The following MYRIP variants were observed in gnomAD, a reference collection of about 807,000 sequenced individuals.
MYRIP encodes rab effector MyRIP.
In MYRIP, 49 loss-of-function variants were observed where a neutral mutation model predicts 98.0. That is an observed-to-expected ratio of 0.50 (90% CI 0.40 to 0.63). MYRIP has a LOEUF of 0.63. MYRIP is among the 30% of genes least tolerant of loss of function. The pLI, the probability that MYRIP is intolerant of heterozygous loss-of-function variation, is 0.00. For synonymous variants in MYRIP, 404 were observed against 409.5 expected (o/e 0.99, Z 0.16); for missense variants, 1,004 against 1,058.2 (o/e 0.95, Z 0.71).
At chr3:40,178,017 A>T (rs1341789709) in intron 8 of MYRIP, among the ~76,000 whole-genome samples, 3 of 152,216 alleles carry the variant, frequency 2.0e-5, no homozygotes, top group Non-Finnish European at 4.4e-5. Context: ...TAATACTTAC[A>T]TCTGACCCTA....
intron 3 of MYRIP, among the ~76,000 whole-genome samples, chr3:40,121,288 C>G (rs574924975): frequency 3.3e-4 from 51 of 152,282 alleles, no homozygotes; most frequent in African/African-American, 1.2e-3. Flanking sequence ...ATAGATCTAT[C>G]TTGGGTAATA....
chr3:40,242,182 C>G (rs1953039519), intron 12 of MYRIP: 1 of 152,204 alleles, frequency 6.6e-6, no homozygotes, highest in Non-Finnish European at 1.5e-5. Flanking sequence ...ATAATAGTCT[C>G]TACCTCAAGG....
At chr3:40,204,642 T>C (rs1303994429) in intron 10 of MYRIP, among the ~76,000 whole-genome samples, 1 of 152,146 alleles carries the variant, frequency 6.6e-6, no homozygotes, top group Non-Finnish European at 1.5e-5. Context: ...TTCCTTTTTC[T>C]TTCCATTTAA....
chr3:40,024,397 G>T (rs972083333), intron 2 of MYRIP, among the ~76,000 whole-genome samples: 3 of 152,078 alleles, frequency 2.0e-5, no homozygotes, highest in Admixed American at 2.0e-4. Flanking sequence ...AGCTGGAGAT[G>T]ATTGGGTGGT....
At chr3:40,123,416 C>T (rs1379324123) in intron 3 of MYRIP, among the ~76,000 whole-genome samples, 1 of 152,238 alleles carries the variant, frequency 6.6e-6, no homozygotes, top group Non-Finnish European at 1.5e-5. Context: ...GCTGGGAGGA[C>T]TCAGAGACTG....
At chr3:39,868,644 G>A (rs1164577087) in intron 1 of MYRIP, among the ~76,000 whole-genome samples, 1 of 152,042 alleles carries the variant, frequency 6.6e-6, no homozygotes, top group Non-Finnish European at 1.5e-5. Flanking sequence ...TTGACATCTG[G>A]AGACTTGCTG....
At chr3:39,811,689 T>C (rs1940699755) in intron 1 of MYRIP, among the ~76,000 whole-genome samples, 2 of 151,642 alleles carry the variant, frequency 1.3e-5, no homozygotes, top group Non-Finnish European at 1.5e-5. Flanking sequence ...GTGTTGTCTC[T>C]GAGGAGTCAA....
chr3:39,944,430 A>AATCAAG (rs1195838640), intron 2 of MYRIP, among the ~76,000 whole-genome samples: 1 of 152,142 alleles, frequency 6.6e-6, no homozygotes, highest in East Asian at 1.9e-4. Flanking sequence ...GGTAAGTGAA[A>AATCAAG]ATCAAGATTA....
chr3:40,130,666 C>T (rs1465558224), intron 3 of MYRIP, among the ~76,000 whole-genome samples: 1 of 152,090 alleles, frequency 6.6e-6, no homozygotes, highest in East Asian at 1.9e-4. Context: ...AAGCGTGAGC[C>T]ACCGCGCCCG....
chr3:39,941,261 G>T, intron 2 of MYRIP, among the ~76,000 whole-genome samples: 1 of 152,084 alleles, frequency 6.6e-6, no homozygotes, highest in East Asian at 1.9e-4. Context: ...GTGAGAGAGG[G>T]AGATGTCAGG....
At chr3:40,237,484 A>AC (rs1013084516) in intron 12 of MYRIP, among the ~76,000 whole-genome samples, 7 of 152,016 alleles carry the variant, frequency 4.6e-5, no homozygotes, top group African/African-American at 1.4e-4. Flanking sequence ...GGGCAAAATC[A>AC]CCCCCAGACT....
rs74917411 is a variant in MYRIP at position 40,037,059 on chromosome 3, A to C, written c.111-6991A>C. Among the ~76,000 whole-genome samples, 906 of 152,274 alleles carry C rather than the reference A, an allele frequency of 5.9e-3. 9 individuals are homozygous for C. The highest frequency in any genetic ancestry group is 0.02 in the African/African-American group (838 of 41,562). On this transcript the variant is annotated intron_variant, in intron 2 of 16. Transcript: ENST00000302541. ...GATAGAAAGTAGGAAGAAACAGAAAAGGCATGGTAGATAGAAAATAAAACA... is the reference window on the plus strand; with the variant it reads ...GATAGAAAGTAGGAAGAAACAGAAACGGCATGGTAGATAGAAAATAAAACA...
intron 3 of MYRIP, among the ~76,000 whole-genome samples, chr3:40,138,880 T>C (rs1441096347): frequency 1.3e-5 from 2 of 152,216 alleles, no homozygotes; most frequent in Non-Finnish European, 2.9e-5. Flanking sequence ...TTGTTAACTA[T>C]AGTCATCCTA....
At chr3:40,025,745 A>C (rs1250145197) in intron 2 of MYRIP, among the ~76,000 whole-genome samples, 1 of 152,086 alleles carries the variant, frequency 6.6e-6, no homozygotes, top group East Asian at 1.9e-4. Context: ...GAGCTGCAAA[A>C]CCAGCAAGTT....
At chr3:40,176,466 A>T (rs1408985724) in intron 8 of MYRIP, among the ~76,000 whole-genome samples, 1 of 152,116 alleles carries the variant, frequency 6.6e-6, no homozygotes, top group Non-Finnish European at 1.5e-5. Flanking sequence ...GCAGAAATAC[A>T]AGGCCAGGTA....
At chr3:39,921,670 C>A (rs1254071583) in intron 2 of MYRIP, among the ~76,000 whole-genome samples, 1 of 152,044 alleles carries the variant, frequency 6.6e-6, no homozygotes, top group Non-Finnish European at 1.5e-5. Context: ...CACTTGAGGT[C>A]AGGAGCTCAA....
At chr3:39,873,088 G>GT (rs1444007134) in intron 1 of MYRIP, among the ~76,000 whole-genome samples, 1 of 152,220 alleles carries the variant, frequency 6.6e-6, no homozygotes, top group African/African-American at 2.4e-5. Context: ...CTGATGGCCA[G>GT]TGATGGTGAG....
At chr3:40,147,007 A>G (rs1167498395) in intron 3 of MYRIP, among the ~76,000 whole-genome samples, 1 of 152,184 alleles carries the variant, frequency 6.6e-6, no homozygotes, top group Non-Finnish European at 1.5e-5. Flanking sequence ...TATTAAAAGG[A>G]TTTCAGATCC....
intron 3 of MYRIP, among the ~76,000 whole-genome samples, chr3:40,056,070 A>G (rs1275491286): frequency 1.3e-5 from 2 of 152,236 alleles, no homozygotes; most frequent in Non-Finnish European, 2.9e-5. Context: ...GTAAAAGCTT[A>G]GCCAGCACGT....
Sources: allele counts gnomAD v4.1 joint callset (sites outside exome capture counted in the v4.1 genomes callset), GRCh38; gene constraint gnomAD v4.1.1; transcripts MANE v1.5; gene names NCBI Gene and HGNC (gene_info 2026-07-23, HGNC 2026-07-21).